Variants in ROBO1 observed in about 807,000 individuals in gnomAD.
ROBO1 encodes roundabout guidance receptor 1.
Under a neutral mutation model 195.9 loss-of-function variants are expected in ROBO1, and 149 were observed. That is an observed-to-expected ratio of 0.76 (90% confidence interval 0.67 to 0.87). The LOEUF (loss-of-function observed/expected upper bound fraction) is 0.87, where lower values mean the gene tolerates loss of function less well. ROBO1 is among the 40% of genes least tolerant of loss of function. The pLI, the probability that ROBO1 is intolerant of heterozygous loss-of-function variation, is 0.00. For synonymous variants in ROBO1, 816 were observed against 733.2 expected (o/e 1.11, Z -1.82); for missense variants, 1,933 against 2,068.3 (o/e 0.93, Z 1.27).
At chr3:79,333,425 C>T (rs1448190737) in intron 2 of ROBO1, among the ~76,000 whole-genome samples, 1 of 152,090 alleles carries the variant, frequency 6.6e-6, no homozygotes, top group African/African-American at 2.4e-5. Flanking sequence ...GCATGTGTAA[C>T]CATGTAAATC....
chr3:79,352,627 C>T (rs2035388298), intron 2 of ROBO1, among the ~76,000 whole-genome samples: 1 of 152,292 alleles, frequency 6.6e-6, no homozygotes, highest in Admixed American at 6.5e-5. Context: ...AAGGAACTCC[C>T]TTGTGCCTTC....
chr3:79,764,743 G>A (rs1704894410), intron 1 of ROBO1, among the ~76,000 whole-genome samples: 1 of 152,288 alleles, frequency 6.6e-6, no homozygotes, highest in South Asian at 2.1e-4. Context: ...CAAGTGTATA[G>A]CTTCCTTTTC....
intron 4 of ROBO1, among the ~76,000 whole-genome samples, chr3:78,825,758 C>T (rs1224356841): frequency 1.3e-5 from 2 of 152,112 alleles, no homozygotes; most frequent in Non-Finnish European, 2.9e-5. Flanking sequence ...ATTTGGTTAT[C>T]AAGTGCAAAA....
chr3:79,732,785 A>G (rs528158182), intron 1 of ROBO1, among the ~76,000 whole-genome samples: 1 of 152,182 alleles, frequency 6.6e-6, no homozygotes, highest in East Asian at 1.9e-4. Context: ...CATCACTTAC[A>G]AGATGATGTT....
At chr3:78,682,483 ATATGTG>A (rs2080942795) in intron 10 of ROBO1, among the ~76,000 whole-genome samples, 1 of 135,272 alleles carries the variant, frequency 7.4e-6, no homozygotes, top group African/African-American at 2.9e-5. Flanking sequence ...GACTGTGTAT[ATATGTG>A]TATATGTATA....
intron 2 of ROBO1, among the ~76,000 whole-genome samples, chr3:79,220,239 A>AG (rs2082114035): frequency 1.3e-5 from 2 of 152,108 alleles, no homozygotes; most frequent in South Asian, 4.1e-4. Context: ...AAACAAATTA[A>AG]GGAACAACAA....
At chr3:78,649,015 C>A (rs1194781173) in intron 19 of ROBO1, among the ~76,000 whole-genome samples, 2 of 151,836 alleles carry the variant, frequency 1.3e-5, no homozygotes, top group African/African-American at 4.8e-5. Context: ...TGCAGCACAG[C>A]AGTCCCTGTC....
intron 2 of ROBO1, among the ~76,000 whole-genome samples, chr3:79,281,165 G>C (rs1391210532): frequency 6.6e-6 from 1 of 152,146 alleles, no homozygotes; most frequent in Non-Finnish European, 1.5e-5. Flanking sequence ...GTAAATCTTT[G>C]ATTGAATTAA....
chr3:79,118,529 G>A (rs943530622), intron 3 of ROBO1, among the ~76,000 whole-genome samples: 2 of 152,058 alleles, frequency 1.3e-5, no homozygotes, highest in East Asian at 1.9e-4. Flanking sequence ...GTTTCTGAGT[G>A]TGTTTACTTA....
intron 1 of ROBO1, among the ~76,000 whole-genome samples, chr3:79,644,213 C>A (rs1294455492): frequency 6.6e-6 from 1 of 151,930 alleles, no homozygotes; most frequent in Non-Finnish European, 1.5e-5. Context: ...ATAAAGCAAA[C>A]ATTAATAGAT....
At chr3:78,757,128 G>A (rs1013337260) in intron 4 of ROBO1, among the ~76,000 whole-genome samples, 2 of 152,114 alleles carry the variant, frequency 1.3e-5, no homozygotes, top group African/African-American at 4.8e-5. Flanking sequence ...CTGACCTCAC[G>A]TGAGCCACCT....
At chr3:79,416,405 A>C (rs1485669906) in intron 2 of ROBO1, among the ~76,000 whole-genome samples, 1 of 151,302 alleles carries the variant, frequency 6.6e-6, no homozygotes, top group African/African-American at 2.4e-5. Flanking sequence ...GGAGTTCAAA[A>C]CCAGCCTGGG....
intron 2 of ROBO1, among the ~76,000 whole-genome samples, chr3:79,317,634 G>A (rs1397387991): frequency 6.6e-6 from 1 of 152,072 alleles, no homozygotes; most frequent in East Asian, 1.9e-4. Flanking sequence ...TGATTATAAC[G>A]TCTAATGTTA....
At chr3:79,318,395 C>T (rs762202838) in intron 2 of ROBO1, among the ~76,000 whole-genome samples, 1 of 152,154 alleles carries the variant, frequency 6.6e-6, no homozygotes, top group Non-Finnish European at 1.5e-5. Flanking sequence ...TATACTATGT[C>T]ACTTGTTAAA....
chr3:79,566,726 A>G (rs2107730503), intron 2 of ROBO1, among the ~76,000 whole-genome samples: 1 of 152,230 alleles, frequency 6.6e-6, no homozygotes, highest in East Asian at 1.9e-4. Context: ...CAAAACCACA[A>G]TGAGATACAA....
intron 2 of ROBO1, among the ~76,000 whole-genome samples, chr3:79,198,325 T>C (rs1377098982): frequency 6.6e-6 from 1 of 152,098 alleles, no homozygotes; most frequent in Non-Finnish European, 1.5e-5. Flanking sequence ...TTTTGTCAAA[T>C]TTGTCAAAGA....
chr3:79,061,618 T>C (rs1019950069), intron 3 of ROBO1, among the ~76,000 whole-genome samples: 3 of 152,050 alleles, frequency 2.0e-5, no homozygotes, highest in African/African-American at 7.2e-5. Context: ...ATGGCTACAG[T>C]AACCAAATAG....
intron 2 of ROBO1, among the ~76,000 whole-genome samples, chr3:79,566,596 T>A (rs1943097018): frequency 6.6e-6 from 1 of 152,076 alleles, no homozygotes; most frequent in Admixed American, 6.6e-5. Flanking sequence ...CAGTTATATT[T>A]GTGGCATCAT....
At chr3:78,764,834 T>A (rs1464649980) in intron 4 of ROBO1, among the ~76,000 whole-genome samples, 2 of 152,146 alleles carry the variant, frequency 1.3e-5, no homozygotes, top group Non-Finnish European at 2.9e-5. Flanking sequence ...ATAAGGCCTC[T>A]ACCGATAAAA....
Sources: gnomAD v4.1 joint callset for allele counts (sites outside exome capture counted in the v4.1 genomes callset) on GRCh38, gnomAD v4.1.1 for gene constraint, MANE v1.5 for transcripts, NCBI Gene and HGNC (gene_info 2026-07-23, HGNC 2026-07-21) for gene names.